Variants in IKZF2 observed in about 807,000 individuals in gnomAD.
IKZF2 encodes IKAROS family zinc finger 2.
A neutral mutation model predicts 49.2 loss-of-function variants in IKZF2; 15 were observed. The ratio of observed to expected loss-of-function variants is 0.30; its 90% CI spans 0.20 to 0.47. The LOEUF (loss-of-function observed/expected upper bound fraction) is 0.47, where lower values mean the gene tolerates loss of function less well. Ranked by LOEUF, IKZF2 falls within the 20% of genes least tolerant of loss-of-function variation. The probability of loss-of-function intolerance (pLI) is 1.00; values close to 1 mark genes in which losing one functional copy is unlikely to be tolerated. For synonymous variants in IKZF2, 227 were observed against 221.4 expected, an observed-to-expected ratio of 1.03 and a Z score of -0.23; for missense variants, 567 against 664.6, an observed-to-expected ratio of 0.85 and a Z score of 1.61.
In IKZF2 at chr2:213,004,162, G is replaced by A. The variant is rs1361502319; in HGVS notation, c.*3198C>T. On this transcript the variant is annotated 3_prime_UTR_variant, in exon 9 of 9. Transcript: ENST00000434687. Reference sequence around the variant, plus strand: ...ATGAATTCTCTTTAAAAGAATGTGTGTGTAGTATACACACACATATACCCT... The same window carrying A: ...ATGAATTCTCTTTAAAAGAATGTGTATGTAGTATACACACACATATACCCT... The A allele has an allele frequency of 3.3e-5, 5 of 151,694 alleles. No individual in the cohort carries two copies. Among genetic ancestry groups the A allele is most frequent in the African/African-American group, 9.7e-5 (4 of 41,358 alleles). 9.4% of individuals were successfully genotyped at this position (151,694 alleles called of 1,614,324 possible).
rs1481576694 is a variant in IKZF2 at position 213,000,834 on chromosome 2, AG to A, written c.*6525del. On this transcript the variant is annotated 3_prime_UTR_variant, in exon 9 of 9. Coordinates refer to ENST00000434687, the MANE Select transcript of IKZF2 (RefSeq NM_001387220.1). ...ATTTAGAGCATTGGGCGAGGGTCTAAGAAGATTCAATCTGTAAAAAGTTCAA... is the reference window on the plus strand; with the variant it reads ...ATTTAGAGCATTGGGCGAGGGTCTAAAAGATTCAATCTGTAAAAAGTTCAA... 6.6e-6 allele frequency: 1 copy of A among 151,688 alleles called. No individual in the cohort carries two copies. The highest frequency in any genetic ancestry group is 2.4e-5 in the African/African-American group (1 of 41,404). The allele number at this position is 151,688 out of a possible 1,614,324, so 9.4% of individuals were successfully genotyped here.
chr2:213,144,111 T>A (rs1228643180), intron 4 of IKZF2, among the ~76,000 whole-genome samples: 1 of 151,824 alleles, frequency 6.6e-6, no homozygotes, highest in Non-Finnish European at 1.5e-5. Flanking sequence ...AAGAAAAAAA[T>A]TAATGTGAAG....
At chr2:213,047,594 A>G (rs368148378) in intron 6 of IKZF2, among the ~76,000 whole-genome samples, 3 of 152,078 alleles carry the variant, frequency 2.0e-5, no homozygotes, top group Non-Finnish European at 4.4e-5. Flanking sequence ...GGTTTCAGAG[A>G]TCTGGTCCTG....
At chr2:213,038,366 T>C (rs1699255691) in intron 6 of IKZF2, among the ~76,000 whole-genome samples, 1 of 152,116 alleles carries the variant, frequency 6.6e-6, no homozygotes, top group Non-Finnish European at 1.5e-5. Context: ...GCTGGTCTGG[T>C]TTTAAAATAA....
In IKZF2 at chr2:213,086,588, T is replaced by C. The variant is rs542294626; in HGVS notation, c.140-29489A>G. On this transcript the variant is annotated intron_variant, in intron 4 of 8. Transcript: ENST00000434687. Reference sequence around the variant, plus strand: ...AGCCCGGAAGCTCACCTTTACTGCATATCCCTAAAGATGTCCAGAGATTGC... The same window carrying C: ...AGCCCGGAAGCTCACCTTTACTGCACATCCCTAAAGATGTCCAGAGATTGC... 4.6e-5 allele frequency among the ~76,000 whole-genome samples: 7 copies of C among 152,258 alleles called. No homozygotes were observed. In the East Asian group the frequency reaches 1.4e-3, roughly 29 times the overall value.
At chr2:213,021,867 C>T (rs1265370270) in intron 7 of IKZF2, 126 bp downstream of exon 7, 1 of 993,200 alleles carries the variant, frequency 1.0e-6, no homozygotes, top group African/African-American at 1.6e-5. Flanking sequence ...GCAATGTATC[C>T]CAAAGCTCAA....
intron 4 of IKZF2, among the ~76,000 whole-genome samples, chr2:213,098,255 T>G (rs80181448): frequency 0.035 from 5,271 of 152,166 alleles, 301 homozygotes; most frequent in African/African-American, 0.12. Context: ...TTCTACATAT[T>G]GAGAAGAAAT....
chr2:213,125,132 A>T (rs1044296282), intron 4 of IKZF2, among the ~76,000 whole-genome samples: 1 of 152,236 alleles, frequency 6.6e-6, no homozygotes, highest in Admixed American at 6.5e-5. Flanking sequence ...CAAGATAACT[A>T]GTGAAATTAG....
rs759321859 is a variant in IKZF2 at position 213,147,783 on chromosome 2, G to A, written c.64C>T (p.His22Tyr). Residue 22 changes from histidine to tyrosine, a missense_variant, in exon 4 of 9, where the codon CAC becomes TAC. By Grantham distance (83) the His-to-Tyr change is moderately conservative (BLOSUM62 2). Around this residue, in one of 5 missense-constraint regions of IKZF2, gnomAD observed 156 missense variants for 138.5 expected, o/e 1.13. Transcript: ENST00000434687. ...GTGAGGTCAATTGCCATATTGGAGT[G>A]CTCCCTTTCGGGTGAAAGCTCATTG... ...CDNELSPEREHSNMAIDLTSS... is the reference protein window; with the variant it reads ...CDNELSPEREYSNMAIDLTSS... 2.7e-5 allele frequency: 43 copies of A among 1,613,586 alleles called. No individual in the cohort carries two copies. Among genetic ancestry groups the A allele is most frequent in the Non-Finnish European group, 3.5e-5 (41 of 1,179,678 alleles).
chr2:213,151,985 C>G (rs1024505011), upstream of IKZF2: 12 of 151,856 alleles, frequency 7.9e-5, no homozygotes, highest in African/African-American at 2.9e-4. Context: ...CCCTCGCGCC[C>G]ACCCGCGCGC....
chr2:213,073,183 A>T (rs1702894217), intron 4 of IKZF2, among the ~76,000 whole-genome samples: 1 of 152,156 alleles, frequency 6.6e-6, no homozygotes, highest in South Asian at 2.1e-4. Flanking sequence ...CACTCCTTGA[A>T]AAACATCACA....
chr2:213,054,833 T>C (rs529041264), intron 5 of IKZF2, among the ~76,000 whole-genome samples: 1 of 152,306 alleles, frequency 6.6e-6, no homozygotes, highest in Non-Finnish European at 1.5e-5. Context: ...TTATAAACTT[T>C]ATTATGCCAA....
intron 6 of IKZF2, among the ~76,000 whole-genome samples, chr2:213,031,558 T>G (rs967974930): frequency 1.3e-5 from 2 of 152,180 alleles, no homozygotes; most frequent in Admixed American, 1.3e-4. Flanking sequence ...AGAGTCTAAG[T>G]TGTTGGCATC....
chr2:213,150,224 C>T lies in IKZF2; in HGVS notation c.-96G>A. ...GAGATCTCAGCTTCTTCTAACCCCT[C>T]AAAGAGGAGGTGACAATGTCGGGCT... is the stretch of plus-strand genomic sequence containing the variant. On this transcript the variant is annotated 5_prime_UTR_variant, in exon 2 of 9. Coordinates refer to ENST00000434687, the MANE Select transcript of IKZF2 (RefSeq NM_001387220.1). 3 of 1,280,386 alleles carry T rather than the reference C, an allele frequency of 2.3e-6. No individual in the cohort carries two copies. The highest frequency in any genetic ancestry group is 3.1e-6 in the Non-Finnish European group (3 of 967,128). The allele number at this position is 1,280,386 out of a possible 1,614,324, so 79.3% of individuals were successfully genotyped here.
chr2:213,049,958 A>G (rs1700523657), intron 5 of IKZF2, 78 bp from the exon 6 acceptor site: 2 of 1,029,770 alleles, frequency 1.9e-6, no homozygotes, highest in Middle Eastern at 3.5e-4. Context: ...TGTTAACCAA[A>G]GCCAGTTCTC....
At position 213,007,286 on chromosome 2, in the gene IKZF2, GT is replaced by G; in HGVS notation, c.*73del. On this transcript the variant is annotated 3_prime_UTR_variant, in exon 9 of 9. Coordinates refer to ENST00000434687, the MANE Select transcript of IKZF2 (RefSeq NM_001387220.1). ...AAGGTATGTCAACATTTGAGGAAAGGTGGGATTGTAAGTGCAGTATTTCTTC... is the reference window on the plus strand; with the variant it reads ...AAGGTATGTCAACATTTGAGGAAAGGGGGATTGTAAGTGCAGTATTTCTTC... 1 of 1,443,278 alleles carries G rather than the reference GT, an allele frequency of 6.9e-7. No homozygotes were observed. The allele number at this position is 1,443,278 out of a possible 1,614,324, so 89.4% of individuals were successfully genotyped here.
chr2:213,063,465 A>C (rs1701887236), intron 4 of IKZF2, among the ~76,000 whole-genome samples: 1 of 151,952 alleles, frequency 6.6e-6, no homozygotes, highest in Non-Finnish European at 1.5e-5. Flanking sequence ...TACCATCTAA[A>C]ATATGGGGGG....
At chr2:213,121,690 C>T (rs1374909954) in intron 4 of IKZF2, among the ~76,000 whole-genome samples, 1 of 152,170 alleles carries the variant, frequency 6.6e-6, no homozygotes, top group East Asian at 1.9e-4. Flanking sequence ...AAAAACAAAA[C>T]TTCAGCAAAG....
intron 4 of IKZF2, among the ~76,000 whole-genome samples, chr2:213,065,848 A>G (rs950643117): frequency 6.6e-6 from 1 of 152,088 alleles, no homozygotes; most frequent in African/African-American, 2.4e-5. Context: ...AGATGTCAAT[A>G]TGTTAAAGAA....
Sources: allele counts gnomAD v4.1 joint callset (sites outside exome capture counted in the v4.1 genomes callset), GRCh38; gene constraint gnomAD v4.1.1; regional missense constraint gnomAD v4.1.1; transcripts MANE v1.5; gene names NCBI Gene and HGNC (gene_info 2026-07-23, HGNC 2026-07-21).